The following TEAD1 variants were observed in gnomAD, a reference collection of about 807,000 sequenced individuals.
TEAD1 encodes the protein transcriptional enhancer factor TEF-1.
TEAD1 carries 9 observed loss-of-function variants against 54.9 expected under a neutral mutation model. The observed-to-expected ratio is 0.16, with a 90% CI of 0.10 to 0.29. The LOEUF is 0.29. Ranked by LOEUF, TEAD1 falls within the 10% of genes least tolerant of loss-of-function variation. The probability of loss-of-function intolerance (pLI) is 1.00; values close to 1 mark genes in which losing one functional copy is unlikely to be tolerated. For synonymous variants in TEAD1, 200 were observed against 187.8 expected, an observed-to-expected ratio of 1.07 and a Z score of -0.53; for missense variants, 387 against 535.9, an observed-to-expected ratio of 0.72 and a Z score of 2.74.
intron 2 of TEAD1, among the ~76,000 whole-genome samples, chr11:12,761,648 A>G (rs1035522295): frequency 1.4e-4 from 22 of 152,156 alleles, no homozygotes; most frequent in Non-Finnish European, 5.9e-5. Context: ...GAGGGTGGGC[A>G]GAGGGATGAT....
intron 3 of TEAD1, among the ~76,000 whole-genome samples, chr11:12,845,316 C>G (rs1355986562): frequency 6.6e-6 from 1 of 152,116 alleles, no homozygotes; most frequent in Non-Finnish European, 1.5e-5. Context: ...GCAGCTCTCT[C>G]TGCAGGGAAA....
At chr11:12,752,921 G>T (rs1280433985) in intron 2 of TEAD1, among the ~76,000 whole-genome samples, 7 of 151,572 alleles carry the variant, frequency 4.6e-5, no homozygotes, top group African/African-American at 1.7e-4. Context: ...GCTCACTACA[G>T]CTTGACCGCC....
At chr11:12,909,277 A>G (rs1025917718) in intron 10 of TEAD1, among the ~76,000 whole-genome samples, 1 of 152,192 alleles carries the variant, frequency 6.6e-6, no homozygotes, top group Non-Finnish European at 1.5e-5. Context: ...TGCTTCTGTC[A>G]GTTGATATCC....
chr11:12,819,278 A>AT (rs72319822), intron 3 of TEAD1, among the ~76,000 whole-genome samples: 8 of 147,000 alleles, frequency 5.4e-5, no homozygotes, highest in African/African-American at 2.0e-4. Context: ...TGCAGAGGTG[A>AT]TTTTTTTTTT....
At chr11:12,704,083 C>A (rs181398137) in intron 2 of TEAD1, among the ~76,000 whole-genome samples, 374 of 152,246 alleles carry the variant, frequency 2.5e-3, no homozygotes, top group African/African-American at 8.5e-3. Context: ...ATATTTATTT[C>A]TTTTTATGGT....
intron 3 of TEAD1, among the ~76,000 whole-genome samples, chr11:12,802,634 G>T (rs1239430390): frequency 6.6e-6 from 1 of 152,100 alleles, no homozygotes; most frequent in Non-Finnish European, 1.5e-5. Context: ...GGTTCTGGTG[G>T]CCAGGTGTTA....
intron 3 of TEAD1, among the ~76,000 whole-genome samples, chr11:12,803,825 G>GTATTTTAAA (rs1196517727): frequency 1.3e-5 from 2 of 152,218 alleles, no homozygotes; most frequent in African/African-American, 4.8e-5. Flanking sequence ...GGGGTTCCAA[G>GTATTTTAAA]GAGTCGTTGC....
intron 3 of TEAD1, among the ~76,000 whole-genome samples, chr11:12,849,637 T>C (rs1947227391): frequency 6.6e-6 from 1 of 152,226 alleles, no homozygotes; most frequent in East Asian, 1.9e-4. Context: ...GTTGATAGAA[T>C]TCTTCTGGTG....
At chr11:12,903,123 G>A (rs991421337) in intron 10 of TEAD1, among the ~76,000 whole-genome samples, 4 of 152,004 alleles carry the variant, frequency 2.6e-5, no homozygotes, top group African/African-American at 9.7e-5. Flanking sequence ...AATGCTTTAC[G>A]TGCATTTCAT....
At chr11:12,848,108 A>G (rs986922369) in intron 3 of TEAD1, among the ~76,000 whole-genome samples, 7 of 152,118 alleles carry the variant, frequency 4.6e-5, no homozygotes, top group South Asian at 2.1e-4. Context: ...GAGTACATCT[A>G]TCCATCTAAT....
intron 2 of TEAD1, among the ~76,000 whole-genome samples, chr11:12,684,750 C>A (rs1943298501): frequency 6.6e-6 from 1 of 152,192 alleles, no homozygotes; most frequent in African/African-American, 2.4e-5. Context: ...CCATTTGTTT[C>A]TCTCAGTACT....
chr11:12,915,168 C>T (rs1948687568), intron 10 of TEAD1, among the ~76,000 whole-genome samples: 1 of 152,188 alleles, frequency 6.6e-6, no homozygotes, highest in Admixed American at 6.5e-5. Flanking sequence ...TGTGCCCCTG[C>T]TGTCCCCCTG....
Position 12,881,977 on chromosome 11 carries a change from C to CT in TEAD1, c.574+25dup, listed in dbSNP as rs767271839. On this transcript the variant is annotated intron_variant, in intron 8 of 12. Coordinates refer to ENST00000527636, the MANE Select transcript of TEAD1 (RefSeq NM_021961.6). ...TTCCAGGTGAGTGTCCCTGAAACTC[C>CT]TTTTTGGGAGCACAGCCCCACACAG... The CT allele has an allele frequency of 9.9e-6, 16 of 1,613,264 alleles. No homozygotes were observed. In the South Asian group the frequency reaches 1.8e-4, roughly 18 times the overall value.
rs757119295 is a variant in TEAD1 at position 12,924,970 on chromosome 11, A to G, written c.932A>G (p.Gln311Arg). The change falls in exon 11 of 13, where the codon CAG becomes CGG. Residue 311 changes from glutamine (Q) to arginine (R), a missense_variant. Physicochemically the swap from Gln to Arg is conservative, Grantham distance 43 (BLOSUM62 1). This residue lies in a region of TEAD1 where 123 missense variants were observed against 199.0 expected (regional missense o/e 0.62). Coordinates refer to ENST00000527636, the MANE Select transcript of TEAD1 (RefSeq NM_021961.6). ...GGGGCTTTTTATGGTGTAACCAGTC[A>G]GTACGAGAGTTCTGAAAATATGACA... 29 of 1,614,112 alleles carry G rather than the reference A, an allele frequency of 1.8e-5. No homozygotes were observed. The highest frequency in any genetic ancestry group is 2.3e-5 in the Non-Finnish European group (27 of 1,180,054).
intron 5 of TEAD1, among the ~76,000 whole-genome samples, chr11:12,866,449 ATAGGAAGC>A (rs1316215206): frequency 2.0e-5 from 3 of 152,214 alleles, no homozygotes; most frequent in African/African-American, 7.2e-5. Context: ...CCCATGTGAT[ATAGGAAGC>A]ACTCTTTTTC....
chr11:12,839,226 C>T (rs972014473), intron 3 of TEAD1, among the ~76,000 whole-genome samples: 1 of 151,980 alleles, frequency 6.6e-6, no homozygotes, highest in African/African-American at 2.4e-5. Flanking sequence ...GCCTGGCTAA[C>T]ATAGTGAAAC....
rs139381358 is a variant in TEAD1, at chr11:12,890,480, A to G, written c.699+7355A>G. On this transcript the variant is annotated intron_variant, in intron 9 of 12. Transcript: ENST00000527636. ...TGGCAGCAAAGAGGTGACTGATACT[A>G]GAATTCTTAGCAGCTGTTTGAGATT... Among the ~76,000 whole-genome samples the G allele has an allele frequency of 4.3e-3, 659 of 152,316 alleles. 4 individuals carry two copies. The highest frequency in any genetic ancestry group is 0.015 in the African/African-American group (625 of 41,570).
At chr11:12,713,800 T>C (rs946830947) in intron 2 of TEAD1, among the ~76,000 whole-genome samples, 1 of 152,212 alleles carries the variant, frequency 6.6e-6, no homozygotes, top group African/African-American at 2.4e-5. Flanking sequence ...GTCCTTTGCG[T>C]GTCAGCTCTC....
chr11:12,937,298 T>G lies in TEAD1; in HGVS notation c.*76T>G. On this transcript the variant is annotated 3_prime_UTR_variant, in exon 13 of 13. Transcript: ENST00000527636. Reference sequence around the variant, plus strand: ...GCACACACACACTCTCTCTCCATTATCGAACGACTGACTGTAAACCTCACC... The same window carrying G: ...GCACACACACACTCTCTCTCCATTAGCGAACGACTGACTGTAAACCTCACC... The G allele has an allele frequency of 8.1e-7, 1 of 1,236,230 alleles. No individual in the cohort carries two copies. Among genetic ancestry groups the G allele is most frequent in the South Asian group, 1.3e-5 (1 of 78,878 alleles). The allele number at this position is 1,236,230 out of a possible 1,614,324, so 76.6% of individuals were successfully genotyped here.
Sources: allele counts gnomAD v4.1 joint callset (sites outside exome capture counted in the v4.1 genomes callset), GRCh38; gene constraint gnomAD v4.1.1; regional missense constraint gnomAD v4.1.1; transcripts MANE v1.5; gene names NCBI Gene and HGNC (gene_info 2026-07-23, HGNC 2026-07-21).